KCNQ3: variants seen among roughly 807,000 people sequenced by gnomAD.
KCNQ3 encodes potassium voltage-gated channel subfamily Q member 3, also known as potassium voltage-gated channel subfamily KQT member 3.
KCNQ3 carries 30 observed loss-of-function variants against 92.5 expected under a neutral mutation model. The ratio of observed to expected loss-of-function variants is 0.32; its 90% CI spans 0.24 to 0.44. KCNQ3 has a LOEUF of 0.44. Ranked by LOEUF, KCNQ3 falls within the 20% of genes least tolerant of loss-of-function variation. The probability of loss-of-function intolerance (pLI) is 1.00; values close to 1 mark genes in which losing one functional copy is unlikely to be tolerated. For synonymous variants in KCNQ3, 450 were observed against 468.8 expected (o/e 0.96, Z 0.52); for missense variants, 913 against 1,140.3 (o/e 0.80, Z 2.87).
chr8:132,262,551 C>G (rs1327460814), intron 1 of KCNQ3, among the ~76,000 whole-genome samples: 1 of 151,406 alleles, frequency 6.6e-6, no homozygotes, highest in Non-Finnish European at 1.5e-5. Context: ...GAAAAGGCAT[C>G]ACAGTTAGTG....
intron 9 of KCNQ3, among the ~76,000 whole-genome samples, chr8:132,146,910 G>A (rs757405067): frequency 3.9e-5 from 6 of 151,912 alleles, no homozygotes; most frequent in Non-Finnish European, 7.4e-5. Context: ...CGCCCGCCTC[G>A]GCCTCCCAAA....
intron 1 of KCNQ3, among the ~76,000 whole-genome samples, chr8:132,247,391 T>C (rs757839779): frequency 6.6e-6 from 1 of 152,214 alleles, no homozygotes. Flanking sequence ...CAAGTCCTGA[T>C]TGAATCTCTC....
At chr8:132,327,417 G>A (rs751855330) in intron 1 of KCNQ3, among the ~76,000 whole-genome samples, 25 of 152,106 alleles carry the variant, frequency 1.6e-4, no homozygotes, top group African/African-American at 2.4e-4. Context: ...CAAGTAACCC[G>A]CCCCAAACCA....
rs578163210 is a variant in KCNQ3, at chr8:132,284,134, G to A, written c.387-97953C>T. The stretch of plus-strand genomic sequence containing the variant: ...ACTCTGCTGTTAATAATATACATAT[G>A]TAACTAACCTGCACATTGTGCACAT... On this transcript the variant is annotated intron_variant, in intron 1 of 14. Coordinates refer to ENST00000388996, the MANE Select transcript of KCNQ3 (RefSeq NM_004519.4). Among the ~76,000 whole-genome samples the A allele has an allele frequency of 1.5e-4, 23 of 152,242 alleles. No homozygotes were observed. In the South Asian group the frequency reaches 2.5e-3, roughly 16 times the overall value.
At chr8:132,311,968 G>A (rs150993770) in intron 1 of KCNQ3, among the ~76,000 whole-genome samples, 43 of 117,090 alleles carry the variant, frequency 3.7e-4, no homozygotes, top group African/African-American at 1.2e-3. Context: ...AAACAGAAGA[G>A]GAGAGGAGAC....
At chr8:132,206,380 C>A (rs1028360774) in intron 1 of KCNQ3, among the ~76,000 whole-genome samples, 1 of 152,160 alleles carries the variant, frequency 6.6e-6, no homozygotes, top group East Asian at 1.9e-4. Context: ...ATTTCTAGTC[C>A]TCTGGGTTTA....
rs755177673 is a variant in KCNQ3 at position 132,129,803 on chromosome 8, G to C, written c.2078C>G (p.Pro693Arg). 1.2e-6 allele frequency: 2 copies of C among 1,614,028 alleles called. No homozygotes were observed. The highest frequency in any genetic ancestry group is 2.2e-5 in the South Asian group (2 of 91,094). ...IICNYSETGP[P>R]EPPYSFHQVT... ...CTGGTGGAAGCTGTAGGGTGGTTCC[G>C]GGGGGCCTGTCTCAGAATAGTTGCA... The change falls in exon 15 of 15, where the codon CCG becomes CGG. Residue 693 changes from proline (P) to arginine (R), a missense_variant. This residue lies in a region of KCNQ3 where 375 missense variants were observed against 376.4 expected (regional missense o/e 1.00). Transcript: ENST00000388996. This position sits in a 1 kb window ranked among gnomAD's most constrained non-coding sequence, Gnocchi z 5.9.
intron 1 of KCNQ3, among the ~76,000 whole-genome samples, chr8:132,284,357 AG>A (rs1816619560): frequency 6.6e-6 from 1 of 152,214 alleles, no homozygotes; most frequent in Admixed American, 6.5e-5. Context: ...AGAAAACACC[AG>A]ATTAATTTTG....
At chr8:132,169,876 T>G (rs1442798066) in intron 8 of KCNQ3, among the ~76,000 whole-genome samples, 2 of 152,108 alleles carry the variant, frequency 1.3e-5, no homozygotes, top group Non-Finnish European at 2.9e-5. Context: ...ATTTTTATTT[T>G]TAATTTTTTG....
chr8:132,349,317 C>G (rs540535741), intron 1 of KCNQ3, among the ~76,000 whole-genome samples: 1 of 152,208 alleles, frequency 6.6e-6, no homozygotes, highest in Non-Finnish European at 1.5e-5. Flanking sequence ...AAACTAGTAT[C>G]TAACGAGCGA....
chr8:132,346,594 T>A (rs1006169087), intron 1 of KCNQ3, among the ~76,000 whole-genome samples: 3 of 152,202 alleles, frequency 2.0e-5, no homozygotes, highest in Non-Finnish European at 2.9e-5. Context: ...AATGAGGGAA[T>A]ATAGATGCTT....
intron 1 of KCNQ3, among the ~76,000 whole-genome samples, chr8:132,309,457 C>T (rs901327095): frequency 6.6e-6 from 1 of 152,180 alleles, no homozygotes; most frequent in African/African-American, 2.4e-5. Context: ...GTCACAGCTA[C>T]TGTATGGAGC....
intron 1 of KCNQ3, among the ~76,000 whole-genome samples, chr8:132,433,851 C>T (rs565366458): frequency 2.8e-4 from 43 of 151,558 alleles, no homozygotes; most frequent in South Asian, 2.3e-3. Flanking sequence ...GGTCGTGCCA[C>T]GGCACTCCAG....
chr8:132,324,060 C>T (rs979271720), intron 1 of KCNQ3, among the ~76,000 whole-genome samples: 3 of 152,146 alleles, frequency 2.0e-5, no homozygotes, highest in Non-Finnish European at 4.4e-5. Context: ...ACTGTTTCAT[C>T]CCTCCATATC....
At chr8:132,162,264 G>T (rs963831898) in intron 9 of KCNQ3, among the ~76,000 whole-genome samples, 5 of 152,112 alleles carry the variant, frequency 3.3e-5, no homozygotes, top group Non-Finnish European at 7.3e-5. Flanking sequence ...CTTCATGTCT[G>T]TATAGAAAAG....
At chr8:132,386,842 G>A (rs1819903664) in intron 1 of KCNQ3, among the ~76,000 whole-genome samples, 1 of 151,920 alleles carries the variant, frequency 6.6e-6, no homozygotes, top group South Asian at 2.1e-4. Flanking sequence ...CTGACTCTAA[G>A]GAAAAACAGA....
intron 1 of KCNQ3, among the ~76,000 whole-genome samples, chr8:132,440,955 G>T (rs1563913183): frequency 6.6e-6 from 1 of 152,194 alleles, no homozygotes; most frequent in Non-Finnish European, 1.5e-5. Flanking sequence ...CACCTGTTAA[G>T]GTTTAGGGCC....
intron 1 of KCNQ3, among the ~76,000 whole-genome samples, chr8:132,255,296 A>G (rs1815548547): frequency 6.6e-6 from 1 of 152,128 alleles, no homozygotes; most frequent in Non-Finnish European, 1.5e-5. Context: ...ACTTGTCTAT[A>G]TTTGACCTGA....
At chr8:132,305,136 GAAAT>G (rs765696574) in intron 1 of KCNQ3, among the ~76,000 whole-genome samples, 2 of 152,244 alleles carry the variant, frequency 1.3e-5, no homozygotes, top group East Asian at 1.9e-4. Context: ...ATGGAAGTGA[GAAAT>G]AAAACAGTCA....
Sources: allele counts gnomAD v4.1 joint callset (sites outside exome capture counted in the v4.1 genomes callset), GRCh38; gene constraint gnomAD v4.1.1; regional missense constraint gnomAD v4.1.1; non-coding constraint Gnocchi (gnomAD v3.1); transcripts MANE v1.5; gene names NCBI Gene and HGNC (gene_info 2026-07-23, HGNC 2026-07-21).